Variants in JARID2 observed in about 807,000 individuals in gnomAD.
JARID2 encodes the protein jumonji and AT-rich interaction domain containing 2.
JARID2 carries 21 observed loss-of-function variants against 125.6 expected under a neutral mutation model. That is an observed-to-expected ratio of 0.17 (90% confidence interval 0.12 to 0.24). The LOEUF is 0.24. Ranked by LOEUF, JARID2 falls within the 10% of genes least tolerant of loss-of-function variation. The pLI is 1.00. For synonymous variants in JARID2, 736 were observed against 661.6 expected (o/e 1.11, Z -1.73); for missense variants, 1,303 against 1,639.6 (o/e 0.79, Z 3.55).
chr6:15,324,972 A>G (rs965993975), intron 1 of JARID2, among the ~76,000 whole-genome samples: 1 of 152,214 alleles, frequency 6.6e-6, no homozygotes, highest in Non-Finnish European at 1.5e-5. Flanking sequence ...GTTGCACTCA[A>G]GCCTGCCTAA....
At chr6:15,307,752 T>C (rs557850366) in intron 1 of JARID2, among the ~76,000 whole-genome samples, 46 of 152,348 alleles carry the variant, frequency 3.0e-4, no homozygotes, top group Non-Finnish European at 4.4e-4. Context: ...ACTTATGTGA[T>C]TAGTTTAATT....
At chr6:15,393,514 C>T (rs1044879078) in intron 2 of JARID2, among the ~76,000 whole-genome samples, 9 of 152,154 alleles carry the variant, frequency 5.9e-5, no homozygotes, top group African/African-American at 2.2e-4. Flanking sequence ...TTTAAAATTG[C>T]CTTTCACCAT....
intron 1 of JARID2, among the ~76,000 whole-genome samples, chr6:15,293,547 A>C (rs1317631884): frequency 6.6e-6 from 1 of 152,240 alleles, no homozygotes; most frequent in Non-Finnish European, 1.5e-5. Context: ...TTTAGTAAAC[A>C]CTGAGTTCTT....
chr6:15,376,000 A>G (rs1009327166), intron 2 of JARID2, among the ~76,000 whole-genome samples: 4 of 152,230 alleles, frequency 2.6e-5, no homozygotes, highest in Non-Finnish European at 4.4e-5. Context: ...CAAAAACTAA[A>G]GTTTGTCATT....
At chr6:15,402,562 CA>C (rs201064702) in intron 2 of JARID2, among the ~76,000 whole-genome samples, 21 of 150,672 alleles carry the variant, frequency 1.4e-4, no homozygotes, top group Admixed American at 5.9e-4. Context: ...GAAAAAATCT[CA>C]AAAAAAAATG....
intron 5 of JARID2, among the ~76,000 whole-genome samples, chr6:15,481,030 T>C (rs1166251789): frequency 6.6e-6 from 1 of 152,244 alleles, no homozygotes; most frequent in African/African-American, 2.4e-5. Flanking sequence ...TTTCAAATTG[T>C]TACAGGATTG....
chr6:15,382,059 G>A (rs35139070), intron 2 of JARID2, among the ~76,000 whole-genome samples: 13,809 of 152,156 alleles, frequency 0.091, 793 homozygotes, highest in South Asian at 0.16. Context: ...CGAGGCGGGC[G>A]GATCATGAGC....
intron 16 of JARID2, among the ~76,000 whole-genome samples, 159 bp downstream of exon 16, chr6:15,513,581 C>T (rs1022435917): frequency 3.3e-5 from 5 of 152,232 alleles, no homozygotes; most frequent in African/African-American, 4.8e-5. Context: ...TTCTGGCCGC[C>T]GGAGGTGGCT....
At chr6:15,510,089 A>C (rs1771200020) in intron 12 of JARID2, among the ~76,000 whole-genome samples, 1 of 152,034 alleles carries the variant, frequency 6.6e-6, no homozygotes, top group Non-Finnish European at 1.5e-5. Flanking sequence ...TAGGGGCTGC[A>C]GAGTTGCTGC....
intron 1 of JARID2, among the ~76,000 whole-genome samples, chr6:15,310,964 G>C (rs76067851): frequency 0.025 from 3,876 of 152,240 alleles, 180 homozygotes; most frequent in African/African-American, 0.088. Flanking sequence ...CCCAGTCCCT[G>C]TGTGGGAATG....
At chr6:15,416,433 C>A (rs1186802157) in intron 3 of JARID2, among the ~76,000 whole-genome samples, 1 of 152,198 alleles carries the variant, frequency 6.6e-6, no homozygotes, top group East Asian at 1.9e-4. Context: ...CGTCTGCAAT[C>A]CCGGCACCTC....
At chr6:15,249,993 G>A (rs1277927310) in intron 1 of JARID2, among the ~76,000 whole-genome samples, 2 of 152,100 alleles carry the variant, frequency 1.3e-5, no homozygotes, top group Non-Finnish European at 2.9e-5. Context: ...TTATTCCTAG[G>A]GAGAATAACA....
intron 2 of JARID2, among the ~76,000 whole-genome samples, chr6:15,377,559 G>A (rs536569969): frequency 2.0e-5 from 3 of 152,214 alleles, no homozygotes; most frequent in African/African-American, 7.2e-5. Flanking sequence ...CCCACCTCCC[G>A]GGTTCAAGCG....
intron 1 of JARID2, among the ~76,000 whole-genome samples, chr6:15,314,459 A>C (rs1224505111): frequency 6.6e-6 from 1 of 152,238 alleles, no homozygotes; most frequent in African/African-American, 2.4e-5. Context: ...ATAATGAATA[A>C]TAAGTAAACG....
At chr6:15,458,939 C>T (rs987727675) in intron 4 of JARID2, among the ~76,000 whole-genome samples, 1 of 152,168 alleles carries the variant, frequency 6.6e-6, no homozygotes, top group Admixed American at 6.5e-5. Flanking sequence ...TGGCGTTCTT[C>T]AAGTCAGGGG....
chr6:15,393,323 A>G (rs1765095333), intron 2 of JARID2, among the ~76,000 whole-genome samples: 2 of 152,226 alleles, frequency 1.3e-5, no homozygotes, highest in Admixed American at 6.5e-5. Context: ...CTAGCAATTT[A>G]TTGCTGAGTT....
intron 8 of JARID2, among the ~76,000 whole-genome samples, chr6:15,504,258 C>T (rs570467513): frequency 7.9e-5 from 12 of 152,350 alleles, no homozygotes; most frequent in East Asian, 3.9e-4. Context: ...AGCCTCTGTT[C>T]CTGGCAGAAC....
chr6:15,454,875 T>C (rs1768086089), intron 4 of JARID2, among the ~76,000 whole-genome samples: 1 of 152,138 alleles, frequency 6.6e-6, no homozygotes, highest in African/African-American at 2.4e-5. Context: ...TATGACAGAA[T>C]CTTGTGCTGG....
chr6:15,511,872 G>C (rs1340901662), intron 13 of JARID2, among the ~76,000 whole-genome samples: 3 of 152,168 alleles, frequency 2.0e-5, no homozygotes, highest in Non-Finnish European at 2.9e-5. Flanking sequence ...TGTAAGCCCA[G>C]CCTGTGGGCC....
Sources: allele counts gnomAD v4.1 joint callset (sites outside exome capture counted in the v4.1 genomes callset), GRCh38; gene constraint gnomAD v4.1.1; transcripts MANE v1.5; gene names NCBI Gene and HGNC (gene_info 2026-07-23, HGNC 2026-07-21).